ERBB4: variants seen among roughly 807,000 people sequenced by gnomAD.
ERBB4 encodes the protein erb-b2 receptor tyrosine kinase 4.
In ERBB4, 42 loss-of-function variants were observed where a neutral mutation model predicts 158.0. The observed-to-expected ratio is 0.27, with a 90% CI of 0.21 to 0.34. The LOEUF is 0.34. Among genes scored for constraint, ERBB4 ranks in the 10% least tolerant of loss-of-function variants. The pLI is 1.00. For missense variants in ERBB4, 1,333 were observed against 1,624.1 expected, an observed-to-expected ratio of 0.82 and a Z score of 3.08; for synonymous variants, 583 against 558.7, an observed-to-expected ratio of 1.04 and a Z score of -0.61.
intron 19 of ERBB4, among the ~76,000 whole-genome samples, chr2:211,591,962 G>T (rs1294560408): frequency 6.6e-6 from 1 of 152,196 alleles, no homozygotes; most frequent in Non-Finnish European, 1.5e-5. Flanking sequence ...TCTTTGAGAC[G>T]AATTAAGAGT....
chr2:211,834,492 AAAAG>A (rs2077295011), intron 3 of ERBB4, among the ~76,000 whole-genome samples: 1 of 152,110 alleles, frequency 6.6e-6, no homozygotes, highest in South Asian at 2.1e-4. Context: ...TTAAAAAAAA[AAAAG>A]AAGGGGGGTA....
chr2:212,328,169 T>C (rs1472259355), intron 1 of ERBB4, among the ~76,000 whole-genome samples: 1 of 151,930 alleles, frequency 6.6e-6, no homozygotes, highest in Non-Finnish European at 1.5e-5. Flanking sequence ...GCTTCAATCA[T>C]GTTTGGAACC....
chr2:211,830,832 T>TTGCACCA (rs1204495914), intron 3 of ERBB4, among the ~76,000 whole-genome samples: 1 of 152,100 alleles, frequency 6.6e-6, no homozygotes, highest in Non-Finnish European at 1.5e-5. Flanking sequence ...TTTATTAATC[T>TTGCACCA]TGCACCATTA....
intron 1 of ERBB4, among the ~76,000 whole-genome samples, chr2:212,319,387 CTGT>C (rs758157196): frequency 1.3e-5 from 2 of 150,092 alleles, no homozygotes; most frequent in African/African-American, 4.9e-5. Context: ...TTTATGATTG[CTGT>C]TGTTATTTTT....
At chr2:211,682,091 C>CA (rs2072370048) in intron 12 of ERBB4, among the ~76,000 whole-genome samples, 1 of 136,508 alleles carries the variant, frequency 7.3e-6, no homozygotes, top group Non-Finnish European at 1.6e-5. Flanking sequence ...CACACACACA[C>CA]AATTGGCTCA....
chr2:211,657,909 A>G (rs1210673690), intron 15 of ERBB4, 81 bp from the exon 16 acceptor site: 1 of 1,607,680 alleles, frequency 6.2e-7, no homozygotes, highest in Non-Finnish European at 8.5e-7. Context: ...TCACACATGG[A>G]GCCTTGGAGG....
chr2:211,864,100 A>G (rs1056595077), intron 3 of ERBB4, among the ~76,000 whole-genome samples: 11 of 152,168 alleles, frequency 7.2e-5, no homozygotes, highest in African/African-American at 2.2e-4. Flanking sequence ...AGATTTTCTC[A>G]TCACCCAGTC....
At chr2:211,818,819 T>C (rs1355518354) in intron 3 of ERBB4, among the ~76,000 whole-genome samples, 7 of 152,052 alleles carry the variant, frequency 4.6e-5, no homozygotes, top group South Asian at 4.1e-4. Context: ...AGTTCTCTTA[T>C]AGGTGGATGG....
intron 19 of ERBB4, among the ~76,000 whole-genome samples, chr2:211,569,908 A>G (rs1470137979): frequency 6.6e-6 from 1 of 152,190 alleles, no homozygotes; most frequent in African/African-American, 2.4e-5. Flanking sequence ...CCTCTATCAT[A>G]GCTTGATCTC....
At chr2:211,893,019 A>G (rs537909011) in intron 3 of ERBB4, among the ~76,000 whole-genome samples, 4 of 148,256 alleles carry the variant, frequency 2.7e-5, no homozygotes, top group Non-Finnish European at 5.9e-5. Flanking sequence ...CCATCCCCAT[A>G]AAGCTACCAA....
chr2:212,227,787 A>G (rs2083523338), intron 1 of ERBB4, among the ~76,000 whole-genome samples: 1 of 152,144 alleles, frequency 6.6e-6, no homozygotes, highest in South Asian at 2.1e-4. Flanking sequence ...GACAAGGAGG[A>G]GAGTTTAAAT....
intron 1 of ERBB4, among the ~76,000 whole-genome samples, chr2:212,155,515 T>A (rs1192313189): frequency 6.6e-6 from 1 of 152,104 alleles, no homozygotes; most frequent in Admixed American, 6.6e-5. Flanking sequence ...TGAGTCAGCA[T>A]CTTCTGGGGG....
intron 1 of ERBB4, among the ~76,000 whole-genome samples, chr2:212,247,196 A>G (rs1347200342): frequency 6.6e-6 from 1 of 152,172 alleles, no homozygotes; most frequent in Non-Finnish European, 1.5e-5. Context: ...TGGATGCCTT[A>G]TTGTATCTTC....
At chr2:212,530,943 T>C (rs1692723384) in intron 1 of ERBB4, among the ~76,000 whole-genome samples, 1 of 152,206 alleles carries the variant, frequency 6.6e-6, no homozygotes, top group African/African-American at 2.4e-5. Context: ...TTATAAATCT[T>C]CAATCGGTCT....
chr2:211,559,663 C>A (rs1007985498), intron 20 of ERBB4, among the ~76,000 whole-genome samples: 2 of 152,160 alleles, frequency 1.3e-5, no homozygotes, highest in African/African-American at 2.4e-5. Flanking sequence ...AAATCTGAAC[C>A]ACTGTATTCA....
chr2:211,763,908 A>ACACACACACACACC (rs1334613201), intron 4 of ERBB4, among the ~76,000 whole-genome samples: 4 of 152,010 alleles, frequency 2.6e-5, no homozygotes, highest in African/African-American at 9.7e-5. Context: ...ACACACACAC[A>ACACACACACACACC]CACACAAATA....
At chr2:211,520,654 A>G (rs2066162209) in intron 20 of ERBB4, among the ~76,000 whole-genome samples, 1 of 152,142 alleles carries the variant, frequency 6.6e-6, no homozygotes, top group South Asian at 2.1e-4. Context: ...TAAGAGGTAC[A>G]GGCATACTTC....
chr2:211,994,617 T>C (rs771192975), intron 2 of ERBB4, among the ~76,000 whole-genome samples: 14 of 152,218 alleles, frequency 9.2e-5, no homozygotes, highest in Non-Finnish European at 1.6e-4. Flanking sequence ...TACATTTTTA[T>C]CCAAACAATA....
intron 2 of ERBB4, among the ~76,000 whole-genome samples, chr2:212,010,414 C>T (rs2076357682): frequency 6.6e-6 from 1 of 151,892 alleles, no homozygotes. Flanking sequence ...ATCAAAACAG[C>T]AAGTTTTCTA....
Sources: gnomAD v4.1 joint callset for allele counts (sites outside exome capture counted in the v4.1 genomes callset) on GRCh38, gnomAD v4.1.1 for gene constraint, MANE v1.5 for transcripts, NCBI Gene and HGNC (gene_info 2026-07-23, HGNC 2026-07-21) for gene names.